ADGRL2: variants seen among roughly 807,000 people sequenced by gnomAD.
ADGRL2 encodes calcium-independent alpha-latrotoxin receptor 2.
In ADGRL2, 44 loss-of-function variants were observed where a neutral mutation model predicts 157.4. The ratio of observed to expected loss-of-function variants is 0.28; its 90% CI spans 0.22 to 0.36. The LOEUF (loss-of-function observed/expected upper bound fraction) is 0.36. Among genes scored for constraint, ADGRL2 ranks in the 10% least tolerant of loss-of-function variants. The pLI, the probability that ADGRL2 is intolerant of heterozygous loss-of-function variation, is 1.00. For missense variants in ADGRL2, 1,510 were observed against 1,768.9 expected (o/e 0.85, Z 2.63); for synonymous variants, 585 against 624.7 (o/e 0.94, Z 0.95).
chr1:81,468,955 A>G (rs2078115491), intron 2 of ADGRL2, among the ~76,000 whole-genome samples: 1 of 152,194 alleles, frequency 6.6e-6, no homozygotes, highest in African/African-American at 2.4e-5. Flanking sequence ...GTGAGGGGTT[A>G]GTGTTAGGTT....
At chr1:81,808,913 A>T (rs1427800874) in intron 1 of ADGRL2, among the ~76,000 whole-genome samples, 1 of 152,086 alleles carries the variant, frequency 6.6e-6, no homozygotes, top group Non-Finnish European at 1.5e-5. Flanking sequence ...TCATGAAGTC[A>T]ACTTCCTGGA....
intron 2 of ADGRL2, among the ~76,000 whole-genome samples, chr1:81,878,621 C>G (rs1426508061): frequency 6.6e-6 from 1 of 152,100 alleles, no homozygotes; most frequent in Non-Finnish European, 1.5e-5. Flanking sequence ...ACTGGTTTGT[C>G]TTCAGAAAAG....
chr1:81,709,203 G>A (rs2083842749), intron 1 of ADGRL2, among the ~76,000 whole-genome samples: 1 of 152,010 alleles, frequency 6.6e-6, no homozygotes, highest in South Asian at 2.1e-4. Flanking sequence ...AAGTAATTGT[G>A]GTATTTGCCA....
rs570015155 is a variant in ADGRL2 at position 81,888,575 on chromosome 1, A to G, written c.74-18442A>G. Among the ~76,000 whole-genome samples the G allele has an allele frequency of 1.6e-4, 24 of 151,618 alleles. No homozygotes were observed. The East Asian group carries it at 2.9e-3, about 18-fold the overall frequency. On this transcript the variant is annotated intron_variant, in intron 2 of 23. Transcript: ENST00000686636. Reference sequence around the variant, plus strand: ...CGCCTCAGCCTCCCGAGTAGCTAGGACTACAGGCGCCCGCCACCGCGCCCG... The same window carrying G: ...CGCCTCAGCCTCCCGAGTAGCTAGGGCTACAGGCGCCCGCCACCGCGCCCG...
intron 2 of ADGRL2, chr1:81,557,096 C>T: frequency 5.5e-6 from 1 of 180,416 alleles, no homozygotes; most frequent in Non-Finnish European, 1.3e-5. Context: ...CACTCTCAGG[C>T]TGACCACCTT....
chr1:81,655,541 G>A (rs899880082), intron 3 of ADGRL2, among the ~76,000 whole-genome samples: 1 of 152,140 alleles, frequency 6.6e-6, no homozygotes, highest in African/African-American at 2.4e-5. Context: ...GTTAAGTCAA[G>A]TTACTGACCA....
chr1:81,688,189 A>G (rs1345317973), intron 3 of ADGRL2, among the ~76,000 whole-genome samples: 3 of 152,022 alleles, frequency 2.0e-5, no homozygotes, highest in Admixed American at 2.0e-4. Context: ...GGTGTTCTTT[A>G]TGCTTCTTAT....
chr1:81,967,661 C>T (rs920215306), intron 13 of ADGRL2, among the ~76,000 whole-genome samples: 1 of 152,080 alleles, frequency 6.6e-6, no homozygotes, highest in Non-Finnish European at 1.5e-5. Flanking sequence ...CAAAATAGAA[C>T]ATGGATTTTT....
intron 1 of ADGRL2, chr1:81,721,912 C>T (rs2149128697): frequency 2.8e-6 from 2 of 704,214 alleles, no homozygotes; most frequent in Admixed American, 1.8e-5. Context: ...GCAGACAAAC[C>T]ATCAAGTGAG....
chr1:81,767,563 T>C (rs1486471490), intron 2 of ADGRL2, among the ~76,000 whole-genome samples: 1 of 152,098 alleles, frequency 6.6e-6, no homozygotes, highest in Non-Finnish European at 1.5e-5. Context: ...GATCAGTCTC[T>C]AGATGCCTAC....
intron 2 of ADGRL2, among the ~76,000 whole-genome samples, chr1:81,454,486 T>C (rs1213943683): frequency 6.6e-6 from 1 of 152,170 alleles, no homozygotes; most frequent in African/African-American, 2.4e-5. Context: ...ACTGGTGTCA[T>C]TGATCGCATC....
intron 1 of ADGRL2, among the ~76,000 whole-genome samples, chr1:81,375,069 A>G (rs985425192): frequency 1.3e-5 from 2 of 152,192 alleles, no homozygotes; most frequent in African/African-American, 4.8e-5. Context: ...GTTCCAGACA[A>G]CATGCTAGTT....
intron 6 of ADGRL2, among the ~76,000 whole-genome samples, chr1:81,945,383 G>T (rs552500384): frequency 1.3e-5 from 2 of 151,540 alleles, no homozygotes; most frequent in Non-Finnish European, 2.9e-5. Context: ...ATTTGTCTTG[G>T]GTAGCAGTAA....
chr1:81,517,555 C>T (rs950726696), intron 2 of ADGRL2, among the ~76,000 whole-genome samples: 2 of 151,224 alleles, frequency 1.3e-5, no homozygotes, highest in African/African-American at 4.9e-5. Flanking sequence ...CATATGGCTG[C>T]TGCCACTGCT....
chr1:81,812,491 C>T (rs1057306095), intron 1 of ADGRL2, among the ~76,000 whole-genome samples: 1 of 151,462 alleles, frequency 6.6e-6, no homozygotes, highest in Non-Finnish European at 1.5e-5. Context: ...TTAAAAATAA[C>T]TTAAAATATA....
intron 2 of ADGRL2, among the ~76,000 whole-genome samples, chr1:81,839,726 C>T (rs2092457778): frequency 6.7e-6 from 1 of 149,480 alleles, no homozygotes; most frequent in Non-Finnish European, 1.5e-5. Flanking sequence ...CTTTTTATGG[C>T]TGAGTAGTAT....
intron 2 of ADGRL2, among the ~76,000 whole-genome samples, chr1:81,884,931 G>A (rs1017609048): frequency 3.3e-5 from 5 of 152,082 alleles, no homozygotes; most frequent in Non-Finnish European, 7.4e-5. Context: ...ATAACATATG[G>A]CAAAATGAAC....
At chr1:81,573,917 A>G (rs2080746050) in intron 2 of ADGRL2, among the ~76,000 whole-genome samples, 1 of 152,164 alleles carries the variant, frequency 6.6e-6, no homozygotes, top group Admixed American at 6.6e-5. Context: ...ATAGTTTTTC[A>G]ATTGTTAGAG....
At chr1:81,801,775 G>GC (rs1363253888) in intron 1 of ADGRL2, among the ~76,000 whole-genome samples, 1 of 152,146 alleles carries the variant, frequency 6.6e-6, no homozygotes, top group Non-Finnish European at 1.5e-5. Context: ...TTGGCCTCGC[G>GC]CCCCCGGCGC....
Sources: gnomAD v4.1 joint callset for allele counts (sites outside exome capture counted in the v4.1 genomes callset) on GRCh38, gnomAD v4.1.1 for gene constraint, MANE v1.5 for transcripts, NCBI Gene and HGNC (gene_info 2026-07-23, HGNC 2026-07-21) for gene names.